Variants in CYFIP1 observed in about 807,000 individuals in gnomAD.
The protein encoded by CYFIP1 is cytoplasmic FMR1-interacting protein 1.
Under a neutral mutation model 163.5 loss-of-function variants are expected in CYFIP1, and 58 were observed. That is an observed-to-expected ratio of 0.35 (90% CI 0.29 to 0.44). The LOEUF is 0.44. CYFIP1 is among the 20% of genes least tolerant of loss of function. The pLI is 1.00. For synonymous variants in CYFIP1, 663 were observed against 660.7 expected (o/e 1.00, Z -0.05); for missense variants, 1,338 against 1,653.8 (o/e 0.81, Z 3.31).
Position 22,917,167 on chromosome 15 carries a change from C to T in CYFIP1, c.1675-537G>A. 1 of 1,432,112 alleles carries T rather than the reference C, an allele frequency of 7.0e-7. No individual in the cohort carries two copies. The highest frequency in any genetic ancestry group is 1.5e-5 in the South Asian group (1 of 65,206). The allele number at this position is 1,432,112 out of a possible 1,614,324, so 88.7% of individuals were successfully genotyped here. On this transcript the variant is annotated intron_variant, in intron 15 of 30. Coordinates refer to ENST00000617928, the MANE Select transcript of CYFIP1 (RefSeq NM_014608.6). This position sits in a 1 kb window ranked among gnomAD's most constrained non-coding sequence, Gnocchi z 4.2. Reference sequence around the variant, plus strand: ...GCACCACGCACAGGCCGAGGGCCGTCCCCCTGACCCTCCTGCAGAGCCAGC... The same window carrying T: ...GCACCACGCACAGGCCGAGGGCCGTTCCCCTGACCCTCCTGCAGAGCCAGC...
rs377444065 is a variant in CYFIP1, at chr15:22,915,844, T to C, written c.1828+633A>G. On this transcript the variant is annotated intron_variant, in intron 16 of 30. Transcript: ENST00000617928. ...AGCATTAGAGGCACACTCAGGGAGGTCTGTCTAACGCAAAAATGAGACAGA... is the reference window on the plus strand; with the variant it reads ...AGCATTAGAGGCACACTCAGGGAGGCCTGTCTAACGCAAAAATGAGACAGA... 4.6e-5 allele frequency among the ~76,000 whole-genome samples: 7 copies of C among 151,032 alleles called. No homozygotes were observed. The East Asian group carries it at 1.2e-3, about 25-fold the overall frequency.
intron 26 of CYFIP1, chr15:22,875,556 G>A: frequency 2.8e-6 from 1 of 353,244 alleles, no homozygotes; most frequent in South Asian, 3.3e-5. Flanking sequence ...TATAGACACA[G>A]GTAAGACCCA....
intron 26 of CYFIP1, 43 bp downstream of exon 26, chr15:22,879,870 G>A (rs1243516493): frequency 1.4e-6 from 2 of 1,468,332 alleles, no homozygotes; most frequent in African/African-American, 1.4e-5. Flanking sequence ...GGTGGGGTGG[G>A]GTGGGCTGGG....
At position 22,869,976 on chromosome 15, in the gene CYFIP1, T is replaced by C; in HGVS notation, c.*52A>G. The C allele has an allele frequency of 1.3e-6, 2 of 1,499,956 alleles. No homozygotes were observed. Among genetic ancestry groups the C allele is most frequent in the South Asian group, 1.4e-5 (1 of 73,924 alleles). 92.9% of individuals were successfully genotyped at this position (1,499,956 alleles called of 1,614,324 possible). On this transcript the variant is annotated 3_prime_UTR_variant, in exon 31 of 31. Transcript: ENST00000617928. ...AGTCCCTAAAAATCTCACTAAATAG[T>C]TTACGGAGAGAAAGGCATGCCATGT... is the stretch of plus-strand genomic sequence containing the variant.
rs532731591 is a variant in CYFIP1, at chr15:22,872,431, A to G, written c.3597+394T>C. ...GGGAGAATGGAAAGGAGGCTGAAAT[A>G]TTTCAAAGATAATGGCTGAGTATTT... On this transcript the variant is annotated intron_variant, in intron 30 of 30. Transcript: ENST00000617928. 4.6e-5 allele frequency among the ~76,000 whole-genome samples: 7 copies of G among 152,296 alleles called. No individual in the cohort carries two copies. In the East Asian group the frequency reaches 1.2e-3, roughly 25 times the overall value.
At chr15:22,883,996 C>T (rs1307476015) in intron 23 of CYFIP1, among the ~76,000 whole-genome samples, 7 of 152,096 alleles carry the variant, frequency 4.6e-5, no homozygotes, top group African/African-American at 9.7e-5. Flanking sequence ...CATCAGATCT[C>T]GTGAGAACTC....
chr15:22,974,824 C>T (rs2063212260), intron 1 of CYFIP1, among the ~76,000 whole-genome samples: 1 of 152,158 alleles, frequency 6.6e-6, no homozygotes, highest in African/African-American at 2.4e-5. Flanking sequence ...TGAAACAACA[C>T]GTGTTTGAAC....
intron 22 of CYFIP1, among the ~76,000 whole-genome samples, chr15:22,893,835 T>C (rs1352230491): frequency 6.6e-6 from 1 of 152,200 alleles, no homozygotes; most frequent in Non-Finnish European, 1.5e-5. Flanking sequence ...TGCATGTCTG[T>C]CTGCATGTCT....
rs1595717388 is a variant in CYFIP1 at position 22,963,541 on chromosome 15, T to TAAC, written c.-6-16253_-6-16251dup. ...TAACATAACATAACATAACATAACA[T>TAAC]AACATAACATAACATAAGAAAGAAT... On this transcript the variant is annotated intron_variant, in intron 1 of 30. Coordinates refer to ENST00000617928, the MANE Select transcript of CYFIP1 (RefSeq NM_014608.6). 1.9e-3 allele frequency among the ~76,000 whole-genome samples: 270 copies of TAAC among 140,454 alleles called. 2 individuals are homozygous for TAAC. The East Asian group carries it at 0.033, about 17-fold the overall frequency. The allele number at this position is 140,454 out of a possible 152,430, so 92.1% of individuals were successfully genotyped here.
intron 17 of CYFIP1, among the ~76,000 whole-genome samples, chr15:22,913,814 C>T (rs941263543): frequency 4.6e-5 from 7 of 152,090 alleles, no homozygotes; most frequent in African/African-American, 9.7e-5. Flanking sequence ...TGCTGTGCAA[C>T]GAGCCATCAG....
At chr15:22,952,217 CAG>C (rs1256594346) in intron 1 of CYFIP1, among the ~76,000 whole-genome samples, 2 of 152,044 alleles carry the variant, frequency 1.3e-5, no homozygotes, top group Non-Finnish European at 2.9e-5. Context: ...ACAGTGGTGA[CAG>C]GGGCTGCGTG....
At chr15:22,906,552 G>A (rs1489349203) in intron 21 of CYFIP1, among the ~76,000 whole-genome samples, 2 of 140,198 alleles carry the variant, frequency 1.4e-5, no homozygotes, top group African/African-American at 5.4e-5. Flanking sequence ...TGCAACCTCC[G>A]CCTCCCGGGT....
intron 22 of CYFIP1, among the ~76,000 whole-genome samples, chr15:22,897,896 C>G (rs1032418878): frequency 2.0e-5 from 3 of 152,190 alleles, no homozygotes; most frequent in African/African-American, 7.2e-5. Context: ...GTTTAGTATT[C>G]AAGCAAAGGC....
intron 13 of CYFIP1, among the ~76,000 whole-genome samples, chr15:22,920,987 T>G (rs1443894842): frequency 6.6e-6 from 1 of 152,136 alleles, no homozygotes; most frequent in East Asian, 1.9e-4. Flanking sequence ...ATTAGAAAAC[T>G]AAAAAGGATA....
intron 26 of CYFIP1, among the ~76,000 whole-genome samples, chr15:22,879,237 C>T (rs980181829): frequency 5.9e-5 from 9 of 152,174 alleles, no homozygotes; most frequent in African/African-American, 2.2e-4. Flanking sequence ...ATGCCCACCT[C>T]GTTAGTCACG....
intron 22 of CYFIP1, among the ~76,000 whole-genome samples, chr15:22,894,819 A>ATT (rs1393207227): frequency 6.8e-6 from 1 of 147,242 alleles, no homozygotes; most frequent in African/African-American, 2.5e-5. Flanking sequence ...ATTCTATATA[A>ATT]TTATATATAT....
chr15:22,911,685 C>CA (rs2060793207), intron 18 of CYFIP1, among the ~76,000 whole-genome samples: 1 of 152,180 alleles, frequency 6.6e-6, no homozygotes, highest in African/African-American at 2.4e-5. Flanking sequence ...GGACCTGTGA[C>CA]ATCTCCCTGA....
At chr15:22,931,064 G>A (rs1595635753) in intron 11 of CYFIP1, among the ~76,000 whole-genome samples, 1 of 152,132 alleles carries the variant, frequency 6.6e-6, no homozygotes, top group East Asian at 1.9e-4. Flanking sequence ...TGGGTTGTCA[G>A]TCAGTTTGGT....
chr15:22,951,468 G>C (rs2062247111), intron 1 of CYFIP1: 4 of 1,289,326 alleles, frequency 3.1e-6, no homozygotes, highest in African/African-American at 1.5e-5. Flanking sequence ...GGCACCTCAG[G>C]GTGATGCCGC....
Sources: allele counts gnomAD v4.1 joint callset (sites outside exome capture counted in the v4.1 genomes callset), GRCh38; gene constraint gnomAD v4.1.1; non-coding constraint Gnocchi (gnomAD v3.1); transcripts MANE v1.5; gene names NCBI Gene and HGNC (gene_info 2026-07-23, HGNC 2026-07-21).